The following RERG variants were observed in gnomAD, a reference collection of about 807,000 sequenced individuals.
RERG encodes RAS like estrogen regulated growth inhibitor.
A neutral mutation model predicts 23.2 loss-of-function variants in RERG; 25 were observed. The ratio of observed to expected loss-of-function variants is 1.08; its 90% CI spans 0.79 to 1.50. The LOEUF (loss-of-function observed/expected upper bound fraction) is 1.50, where lower values mean the gene tolerates loss of function less well. Among genes scored for constraint, RERG ranks in the 40% most tolerant of loss-of-function variants. RERG has a pLI of 0.00. For synonymous variants in RERG, 81 were observed against 89.1 expected (o/e 0.91, Z 0.51); for missense variants, 253 against 250.1 (o/e 1.01, Z -0.08).
intron 1 of RERG, among the ~76,000 whole-genome samples, chr12:15,218,503 C>T (rs1349169413): frequency 6.6e-6 from 1 of 152,052 alleles, no homozygotes; most frequent in African/African-American, 2.4e-5. Context: ...ATTCCATATT[C>T]CATGCCTGAC....
At chr12:15,156,689 G>A (rs1864527621) in intron 2 of RERG, among the ~76,000 whole-genome samples, 1 of 152,170 alleles carries the variant, frequency 6.6e-6, no homozygotes, top group Non-Finnish European at 1.5e-5. Context: ...AATGATGCAA[G>A]AGCAGAATGG....
At chr12:15,151,063 G>C (rs1864433347) in intron 2 of RERG, among the ~76,000 whole-genome samples, 1 of 152,140 alleles carries the variant, frequency 6.6e-6, no homozygotes, top group Non-Finnish European at 1.5e-5. Flanking sequence ...GTCCACTACA[G>C]CCTGTTTCTA....
intron 2 of RERG, among the ~76,000 whole-genome samples, chr12:15,194,415 C>T (rs1452469729): frequency 1.3e-5 from 2 of 151,988 alleles, no homozygotes; most frequent in East Asian, 3.9e-4. Context: ...TATACACTCT[C>T]CCCTCAGAAC....
intron 2 of RERG, among the ~76,000 whole-genome samples, chr12:15,175,446 T>G (rs1864837537): frequency 6.7e-6 from 1 of 148,832 alleles, no homozygotes; most frequent in South Asian, 2.2e-4. Context: ...TAGACTTCAT[T>G]TCCTGCTTGC....
chr12:15,180,985 T>C (rs1241427596), intron 2 of RERG, among the ~76,000 whole-genome samples: 1 of 152,222 alleles, frequency 6.6e-6, no homozygotes, highest in Middle Eastern at 3.2e-3. Context: ...TTCTATTGCA[T>C]CCAGACATTC....
chr12:15,190,120 G>A (rs1865049002), intron 2 of RERG, among the ~76,000 whole-genome samples: 1 of 152,112 alleles, frequency 6.6e-6, no homozygotes, highest in African/African-American at 2.4e-5. Context: ...ATAGCTTAAA[G>A]GCTTAAAGCA....
intron 2 of RERG, among the ~76,000 whole-genome samples, chr12:15,211,284 TACACACACACACACACACAC>T (rs56263472): frequency 4.9e-5 from 7 of 142,778 alleles, no homozygotes; most frequent in South Asian, 4.7e-4. Flanking sequence ...TGTCATTTTA[TACACACACACACACACACAC>T]ACACACACAC....
In RERG at chr12:15,133,013, T is replaced by G. The variant is rs534831266; in HGVS notation, c.62-11894A>C. Among the ~76,000 whole-genome samples the G allele has an allele frequency of 1.6e-4, 12 of 75,606 alleles. No individual in the cohort carries two copies. The South Asian group carries it at 4.4e-3, about 28-fold the overall frequency. 49.6% of individuals were successfully genotyped at this position (75,606 alleles called of 152,430 possible). A position where few individuals can be genotyped will look rare whatever the true frequency, so the allele number is the denominator to read the frequency against. On this transcript the variant is annotated intron_variant, in intron 2 of 4. Coordinates refer to ENST00000256953, the MANE Select transcript of RERG (RefSeq NM_032918.3). ...GCCCCCCAACACACAGCCTCCCCCA[T>G]TATTCATATCCCACACTAGTGTGGT...
intron 2 of RERG, among the ~76,000 whole-genome samples, chr12:15,145,203 A>C (rs963437223): frequency 2.9e-5 from 4 of 137,096 alleles, no homozygotes; most frequent in Non-Finnish European, 4.7e-5. Flanking sequence ...TGAGATAAAC[A>C]CTCTTTCTGG....
intron 2 of RERG, among the ~76,000 whole-genome samples, chr12:15,127,969 A>G (rs2136093469): frequency 6.6e-6 from 1 of 152,362 alleles, no homozygotes; most frequent in South Asian, 2.1e-4. Context: ...AAACTTGTCT[A>G]ATTTACAAAG....
chr12:15,133,962 T>C (rs914435673), intron 2 of RERG, among the ~76,000 whole-genome samples: 2 of 152,116 alleles, frequency 1.3e-5, no homozygotes, highest in Admixed American at 6.6e-5. Context: ...TTTTTCATTG[T>C]TGAGTTTTAG....
chr12:15,197,302 T>G (rs542036211), intron 2 of RERG, among the ~76,000 whole-genome samples: 28 of 152,290 alleles, frequency 1.8e-4, no homozygotes, highest in African/African-American at 6.7e-4. Flanking sequence ...CCAATGAGAA[T>G]CTCATAAATC....
chr12:15,164,073 A>C (rs998851691), intron 2 of RERG, among the ~76,000 whole-genome samples: 1 of 152,228 alleles, frequency 6.6e-6, no homozygotes, highest in Non-Finnish European at 1.5e-5. Flanking sequence ...AGAGCAAAGC[A>C]GGGAAAGAGC....
intron 2 of RERG, among the ~76,000 whole-genome samples, chr12:15,169,909 A>G (rs1047875817): frequency 6.9e-6 from 1 of 145,334 alleles, no homozygotes; most frequent in South Asian, 2.2e-4. Flanking sequence ...GACACACGTC[A>G]TCTGCTAAAA....
chr12:15,199,459 C>CT (rs1355594293), intron 2 of RERG, among the ~76,000 whole-genome samples: 12 of 152,036 alleles, frequency 7.9e-5, no homozygotes, highest in Admixed American at 7.9e-4. Flanking sequence ...AACTCTGAGT[C>CT]TACGTTGGAG....
At chr12:15,115,969 G>A (rs1863712936) in intron 3 of RERG, among the ~76,000 whole-genome samples, 3 of 152,054 alleles carry the variant, frequency 2.0e-5, no homozygotes. Flanking sequence ...ATTTTAATAA[G>A]TGTATTTTAT....
At chr12:15,123,011 G>A (rs1224325395) in intron 2 of RERG, among the ~76,000 whole-genome samples, 5 of 151,822 alleles carry the variant, frequency 3.3e-5, no homozygotes, top group Non-Finnish European at 7.4e-5. Context: ...GTTGGCCAGG[G>A]TGGTCTCAAT....
intron 2 of RERG, among the ~76,000 whole-genome samples, chr12:15,193,425 C>T (rs1273211223): frequency 6.6e-6 from 1 of 152,110 alleles, no homozygotes; most frequent in African/African-American, 2.4e-5. Flanking sequence ...TACTTTCAGA[C>T]ACCACAAGAT....
chr12:15,183,878 T>A (rs1009439772), intron 2 of RERG, among the ~76,000 whole-genome samples: 1 of 152,186 alleles, frequency 6.6e-6, no homozygotes, highest in Admixed American at 6.5e-5. Context: ...TCATCAGAAC[T>A]ATGTATCTCT....
Sources: allele counts gnomAD v4.1 joint callset (sites outside exome capture counted in the v4.1 genomes callset), GRCh38; gene constraint gnomAD v4.1.1; transcripts MANE v1.5; gene names NCBI Gene and HGNC (gene_info 2026-07-23, HGNC 2026-07-21).